VASH2: variants seen among roughly 807,000 people sequenced by gnomAD.
VASH2 encodes the protein vasohibin 2.
Under a neutral mutation model 37.2 loss-of-function variants are expected in VASH2, and 28 were observed. The ratio of observed to expected loss-of-function variants is 0.75; its 90% CI spans 0.56 to 1.03. The LOEUF (loss-of-function observed/expected upper bound fraction) is 1.03, where lower values mean the gene tolerates loss of function less well. Ranked by LOEUF, VASH2 falls within the 50% of genes least tolerant of loss-of-function variation. The pLI, the probability that VASH2 is intolerant of heterozygous loss-of-function variation, is 0.00. For missense variants in VASH2, 419 were observed against 459.1 expected (o/e 0.91, Z 0.80); for synonymous variants, 188 against 174.7 (o/e 1.08, Z -0.60).
intron 5 of VASH2, among the ~76,000 whole-genome samples, chr1:212,970,532 A>G (rs747798098): frequency 6.6e-5 from 10 of 152,140 alleles, no homozygotes; most frequent in Non-Finnish European, 1.5e-4. Flanking sequence ...ATAATTTACC[A>G]TTTTAACCAT....
chr1:212,967,296 G>C, intron 5 of VASH2: 1 of 1,257,182 alleles, frequency 8.0e-7, no homozygotes, highest in Admixed American at 2.4e-5. Context: ...TTATACATTC[G>C]AGCATCATGC....
chr1:212,980,302 A>G (rs1667306328), intron 7 of VASH2, among the ~76,000 whole-genome samples: 1 of 152,230 alleles, frequency 6.6e-6, no homozygotes, highest in African/African-American at 2.4e-5. Flanking sequence ...GACCACGTGA[A>G]ACATTCTTCT....
intron 3 of VASH2, 127 bp from the exon 4 acceptor site, chr1:212,965,595 G>A (rs1666816903): frequency 1.3e-6 from 1 of 776,588 alleles, no homozygotes; most frequent in Admixed American, 2.4e-5. Flanking sequence ...TACCTTCTGG[G>A]TGCTGGCGAC....
In VASH2 at chr1:212,988,763, G is replaced by T. The variant is rs367591676; in HGVS notation, c.*179G>T. On this transcript the variant is annotated 3_prime_UTR_variant, in exon 8 of 8. Transcript: ENST00000517399. ...TTAGCTTTAAAAAATTCACTAAAAG[G>T]CACCATGAAAAGGCTGAAGTAATAA... 1.0e-5 allele frequency: 7 copies of T among 669,644 alleles called. No individual in the cohort carries two copies. Among genetic ancestry groups the T allele is most frequent in the Middle Eastern group, 4.2e-4 (1 of 2,404 alleles). 41.5% of individuals were successfully genotyped at this position (669,644 alleles called of 1,614,324 possible). A position where few individuals can be genotyped will look rare whatever the true frequency, so the allele number is the denominator to read the frequency against.
intron 5 of VASH2, among the ~76,000 whole-genome samples, chr1:212,970,590 C>G (rs1666982303): frequency 6.6e-6 from 1 of 152,086 alleles, no homozygotes; most frequent in South Asian, 2.1e-4. Flanking sequence ...TAATGCTCTG[C>G]AAAATGACCA....
At position 212,988,702 on chromosome 1, in the gene VASH2, T is replaced by A; in HGVS notation, c.*118T>A. On this transcript the variant is annotated 3_prime_UTR_variant, in exon 8 of 8. Transcript: ENST00000517399. ...AACTTGTGAATTTTATTTTTAAGGA[T>A]TCACCTGGAAATAGAATCTGAGTGG... 2 of 1,111,726 alleles carry A rather than the reference T, an allele frequency of 1.8e-6. No individual in the cohort carries two copies. Among genetic ancestry groups the A allele is most frequent in the Non-Finnish European group, 2.7e-6 (2 of 753,488 alleles). 68.9% of individuals were successfully genotyped at this position (1,111,726 alleles called of 1,614,324 possible).
rs756768360 is a variant in VASH2 at position 212,972,817 on chromosome 1, G to T, written c.735G>T (p.Lys245Asn). ...AGAAATACCTGCACACAGTCAAGAAGGTCAAGATTGGGCTGTACGTCCCCC... is the reference window on the plus strand; with the variant it reads ...AGAAATACCTGCACACAGTCAAGAATGTCAAGATTGGGCTGTACGTCCCCC... ...SYKKYLHTVKKVKIGLYVPHE... is the reference protein window; with the variant it reads ...SYKKYLHTVKNVKIGLYVPHE... The change falls in exon 6 of 8, where the codon AAG (lysine) becomes AAT (asparagine). Residue 245 changes from lysine (K) to asparagine (N), a missense_variant. Transcript: ENST00000517399. 1 of 1,614,210 alleles carries T rather than the reference G, an allele frequency of 6.2e-7. No homozygotes were observed. The highest frequency in any genetic ancestry group is 1.6e-4 in the Middle Eastern group (1 of 6,062).
chr1:212,976,936 G>C (rs918652086), intron 7 of VASH2, among the ~76,000 whole-genome samples: 1 of 152,218 alleles, frequency 6.6e-6, no homozygotes, highest in Admixed American at 6.5e-5. Context: ...CCCACTGGGG[G>C]AAGCACAGGA....
intron 2 of VASH2, among the ~76,000 whole-genome samples, chr1:212,960,608 T>C (rs1666644241): frequency 6.6e-6 from 1 of 152,202 alleles, no homozygotes; most frequent in Non-Finnish European, 1.5e-5. Context: ...CAGGCTGGTC[T>C]CAAACTCCTG....
chr1:212,978,970 C>G (rs987477461), intron 7 of VASH2, among the ~76,000 whole-genome samples: 1 of 152,118 alleles, frequency 6.6e-6, no homozygotes, highest in African/African-American at 2.4e-5. Flanking sequence ...CTAATTCCTC[C>G]GAAACCTTGA....
chr1:212,972,961 G>T lies in VASH2; in HGVS notation c.879G>T (p.Lys293Asn). ...LEKYARDMRM[K>N]ILKPASAHSP... is the part of the protein sequence containing the mutation. ...AATATGCCAGGGACATGAGAATGAAGGTGGGTGCTGGGAAGACAAGGAAGC... is the reference window on the plus strand; with the variant it reads ...AATATGCCAGGGACATGAGAATGAATGTGGGTGCTGGGAAGACAAGGAAGC... Residue 293 changes from lysine (K) to asparagine (N), a missense_variant and splice_region_variant, in exon 6 of 8, where the codon AAG becomes AAT. Physicochemically the swap from Lys to Asn is moderately conservative, Grantham distance 94 (BLOSUM62 0). Transcript: ENST00000517399. The T allele has an allele frequency of 6.2e-7, 1 of 1,609,338 alleles. No homozygotes were observed. Among genetic ancestry groups the T allele is most frequent in the Non-Finnish European group, 8.5e-7 (1 of 1,179,950 alleles).
In VASH2 at chr1:212,972,626, T is replaced by A; in HGVS notation, c.544T>A (p.Phe182Ile). 6.2e-7 allele frequency: 1 copy of A among 1,614,192 alleles called. No homozygotes were observed. The highest frequency in any genetic ancestry group is 8.5e-7 in the Non-Finnish European group (1 of 1,180,040). ...TTCCATTGAGCGGTTCCCCATCAGC[T>A]TTAAAACCTACTTCTCAGGAAACTA... ...QPSIERFPIS[F>I]KTYFSGNYFH... Residue 182 changes from phenylalanine to isoleucine, a missense_variant, in exon 6 of 8, where the codon TTT (phenylalanine) becomes ATT (isoleucine). Physicochemically the swap from Phe to Ile is conservative, Grantham distance 21 (BLOSUM62 0). This residue lies in a region of VASH2 where 84 missense variants were observed against 129.9 expected (regional missense o/e 0.65). Coordinates refer to ENST00000517399, the MANE Select transcript of VASH2 (RefSeq NM_001301056.2).
intron 2 of VASH2, among the ~76,000 whole-genome samples, chr1:212,958,187 G>A (rs991838768): frequency 2.6e-5 from 4 of 152,144 alleles, no homozygotes; most frequent in Non-Finnish European, 2.9e-5. Flanking sequence ...TTGGGAGCCC[G>A]AGGCGCTGGT....
At chr1:212,966,454 C>G in intron 5 of VASH2, 109 bp downstream of exon 5, 4 of 919,772 alleles carry the variant, frequency 4.3e-6, no homozygotes, top group South Asian at 1.5e-5. Context: ...CCCATTATCT[C>G]CTTTGAGGAA....
chr1:212,961,165 G>A lies in VASH2; in HGVS notation c.277-1G>A. On this transcript the variant is annotated splice_acceptor_variant, in intron 2 of 7. Transcript: ENST00000517399. LOFTEE classifies it high-confidence loss of function. ...ACCTCCTCTTCTCTATTTTTCTGCA[G>A]CCTTCAATACCCCAGGTCCCAAACT... is the stretch of plus-strand genomic sequence containing the variant. The A allele has an allele frequency of 1.2e-6, 2 of 1,614,122 alleles. No individual in the cohort carries two copies. The highest frequency in any genetic ancestry group is 1.7e-6 in the Non-Finnish European group (2 of 1,180,010).
chr1:212,975,114 G>A (rs1259700274), intron 7 of VASH2, among the ~76,000 whole-genome samples: 2 of 152,198 alleles, frequency 1.3e-5, no homozygotes, highest in East Asian at 3.8e-4. Flanking sequence ...AAAAGGGCTT[G>A]TTATCTTGTA....
chr1:212,972,968 G>A lies in VASH2; in HGVS notation c.879+7G>A. ...CAGGGACATGAGAATGAAGGTGGGT[G>A]CTGGGAAGACAAGGAAGCCATGCAG... On this transcript the variant is annotated splice_region_variant and intron_variant, in intron 6 of 7. Transcript: ENST00000517399. 2 of 1,607,294 alleles carry A rather than the reference G, an allele frequency of 1.2e-6. No individual in the cohort carries two copies. Among genetic ancestry groups the A allele is most frequent in the Non-Finnish European group, 1.7e-6 (2 of 1,179,740 alleles).
intron 3 of VASH2, among the ~76,000 whole-genome samples, chr1:212,964,398 T>C (rs1181845430): frequency 6.6e-6 from 1 of 152,192 alleles, no homozygotes; most frequent in African/African-American, 2.4e-5. Flanking sequence ...GGCATAGAAA[T>C]TCAGGCTTCA....
chr1:212,977,943 G>A (rs1445985218), intron 7 of VASH2, among the ~76,000 whole-genome samples: 2 of 152,150 alleles, frequency 1.3e-5, no homozygotes, highest in African/African-American at 4.8e-5. Context: ...CTGAGTTGGC[G>A]GTTGACCCTG....
Sources: gnomAD v4.1 joint callset for allele counts (sites outside exome capture counted in the v4.1 genomes callset) on GRCh38, gnomAD v4.1.1 for gene constraint, gnomAD v4.1.1 regional missense constraint, MANE v1.5 for transcripts, NCBI Gene and HGNC (gene_info 2026-07-23, HGNC 2026-07-21) for gene names.